RIOX2: variants seen among roughly 807,000 people sequenced by gnomAD.
The protein encoded by RIOX2 is 60S ribosomal protein L27a histidine hydroxylase.
Under a neutral mutation model 51.2 loss-of-function variants are expected in RIOX2, and 43 were observed. The ratio of observed to expected loss-of-function variants is 0.84; its 90% CI spans 0.66 to 1.08. The LOEUF is 1.08. Among genes scored for constraint, RIOX2 ranks in the 50% least tolerant of loss-of-function variants. The pLI is 0.00. For missense variants in RIOX2, 566 were observed against 561.7 expected (o/e 1.01, Z -0.08); for synonymous variants, 226 against 218.5 (o/e 1.03, Z -0.30).
At chr3:97,956,437 TG>T (rs1169485119) in intron 4 of RIOX2, among the ~76,000 whole-genome samples, 1 of 152,152 alleles carries the variant, frequency 6.6e-6, no homozygotes, top group Non-Finnish European at 1.5e-5. Flanking sequence ...ATTGAGTTTG[TG>T]GTAATTTGAC....
At chr3:97,971,574 A>G (rs1050262498) in intron 1 of RIOX2, 2 of 152,192 alleles carry the variant, frequency 1.3e-5, no homozygotes, top group African/African-American at 4.8e-5. Context: ...GATTTTAGAG[A>G]GGAAACGGAC....
At chr3:97,957,408 A>T (rs531387665) in intron 4 of RIOX2, among the ~76,000 whole-genome samples, 9 of 150,996 alleles carry the variant, frequency 6.0e-5, no homozygotes, top group Admixed American at 4.0e-4. Flanking sequence ...AGGCAGGAGA[A>T]TTGCTTGAAC....
Position 97,942,210 on chromosome 3 carries a change from A to T in RIOX2, c.*2974T>A. The T allele has an allele frequency of 7.4e-7, 1 of 1,354,568 alleles. No homozygotes were observed. The highest frequency in any genetic ancestry group is 1.0e-6 in the Non-Finnish European group (1 of 985,624). The allele number at this position is 1,354,568 out of a possible 1,614,324, so 83.9% of individuals were successfully genotyped here. A position where few individuals can be genotyped will look rare whatever the true frequency, so the allele number is the denominator to read the frequency against. On this transcript the variant is annotated 3_prime_UTR_variant, in exon 10 of 10. Transcript: ENST00000394198. ...TTCATGTCTATGACTTGTTTACCTA[A>T]GATAAAAGGGACCTAATTCAACTTA...
Position 97,961,631 on chromosome 3 carries a change from G to GCT in RIOX2, c.509_510insAG (p.Gly172GlnfsTer56). 1 of 1,611,888 alleles carries GCT rather than the reference G, an allele frequency of 6.2e-7. No individual in the cohort carries two copies. Among genetic ancestry groups the GCT allele is most frequent in the Non-Finnish European group, 8.5e-7 (1 of 1,179,410 alleles). On this transcript the variant is annotated frameshift_variant, in exon 3 of 10. Transcript: ENST00000394198. LOFTEE classifies it high-confidence loss of function. ...GGGGCGGCAGGCCCTGAGATCCTGCGGGAGTTATGTACACATTCGAGCCAA... is the reference window on the plus strand; with the variant it reads ...GGGGCGGCAGGCCCTGAGATCCTGCGCTGGAGTTATGTACACATTCGAGCCAA...
intron 5 of RIOX2, 168 bp downstream of exon 5, chr3:97,954,224 A>G: frequency 1.7e-6 from 1 of 583,412 alleles, no homozygotes; most frequent in East Asian, 2.9e-5. Flanking sequence ...CAGAGGGACC[A>G]GTCACATACA....
intron 1 of RIOX2, chr3:97,971,614 G>A (rs1008626532): frequency 1.4e-4 from 22 of 152,294 alleles, no homozygotes; most frequent in African/African-American, 5.1e-4. Context: ...GTGACCATGA[G>A]GTTACAAAGC....
chr3:97,945,467 C>T, intron 9 of RIOX2, 125 bp from the exon 10 acceptor site: 2 of 819,540 alleles, frequency 2.4e-6, no homozygotes, highest in Non-Finnish European at 3.7e-6. Context: ...ATTTTAGACA[C>T]ACTACAATTA....
Position 97,967,622 on chromosome 3 carries a change from G to T in RIOX2, c.-29C>A, listed in dbSNP as rs770044210. 6.5e-7 allele frequency: 1 copy of T among 1,528,432 alleles called. No homozygotes were observed. The highest frequency in any genetic ancestry group is 1.4e-5 in the African/African-American group (1 of 72,094). 94.7% of individuals were successfully genotyped at this position (1,528,432 alleles called of 1,614,324 possible). A position where few individuals can be genotyped will look rare whatever the true frequency, so the allele number is the denominator to read the frequency against. Reference sequence around the variant, plus strand: ...TCTGTCTTCAAGACAAAGCAGTAAGGAAATGCAAACCTACCAAAAGAACAA... The same window carrying T: ...TCTGTCTTCAAGACAAAGCAGTAAGTAAATGCAAACCTACCAAAAGAACAA... On this transcript the variant is annotated 5_prime_UTR_variant, in exon 2 of 10. Transcript: ENST00000394198.
intron 4 of RIOX2, among the ~76,000 whole-genome samples, chr3:97,957,768 T>A (rs1281156776): frequency 6.6e-6 from 1 of 152,178 alleles, no homozygotes; most frequent in East Asian, 1.9e-4. Context: ...GATGGCTTAG[T>A]CTTTAAAGAT....
At chr3:97,954,925 T>G (rs150402110) in intron 4 of RIOX2, among the ~76,000 whole-genome samples, 1 of 152,334 alleles carries the variant, frequency 6.6e-6, no homozygotes, top group Non-Finnish European at 1.5e-5. Flanking sequence ...TCTGGCAATT[T>G]ACCTGCCCAA....
At chr3:97,961,183 T>C (rs527272681) in intron 3 of RIOX2, among the ~76,000 whole-genome samples, 2 of 152,154 alleles carry the variant, frequency 1.3e-5, no homozygotes, top group Admixed American at 1.3e-4. Flanking sequence ...GGAAAATATA[T>C]ACATATTTTT....
intron 3 of RIOX2, among the ~76,000 whole-genome samples, chr3:97,960,081 C>T (rs1705618735): frequency 6.6e-6 from 1 of 152,186 alleles, no homozygotes; most frequent in Non-Finnish European, 1.5e-5. Context: ...GATCTCTCAA[C>T]AGTTCTTGTG....
At chr3:97,951,878 C>T (rs1318135071) in intron 5 of RIOX2, among the ~76,000 whole-genome samples, 1 of 152,200 alleles carries the variant, frequency 6.6e-6, no homozygotes, top group Non-Finnish European at 1.5e-5. Context: ...ACCCGGAGGG[C>T]ACATGCAGAT....
At chr3:97,956,657 A>G (rs192205465) in intron 4 of RIOX2, among the ~76,000 whole-genome samples, 1 of 151,958 alleles carries the variant, frequency 6.6e-6, no homozygotes. Flanking sequence ...CACCACGCCC[A>G]GCTAATTTTG....
chr3:97,945,357 T>G lies in RIOX2; in HGVS notation c.1240-15A>C. On this transcript the variant is annotated splice_polypyrimidine_tract_variant and intron_variant, in intron 9 of 9. Transcript: ENST00000394198. ...AGTCCATGAAACTGAAAGGATAAATTTATTTGTCAAAATATATGTATACTA... is the reference window on the plus strand; with the variant it reads ...AGTCCATGAAACTGAAAGGATAAATGTATTTGTCAAAATATATGTATACTA... 6.9e-6 allele frequency: 11 copies of G among 1,605,258 alleles called. No homozygotes were observed. Among genetic ancestry groups the G allele is most frequent in the Non-Finnish European group, 9.4e-6 (11 of 1,175,884 alleles).
intron 7 of RIOX2, among the ~76,000 whole-genome samples, chr3:97,948,055 G>A (rs1375196098): frequency 6.6e-6 from 1 of 152,158 alleles, no homozygotes; most frequent in African/African-American, 2.4e-5. Context: ...AGTCGTGAGG[G>A]ATCATCACTT....
chr3:97,963,170 T>G (rs1383324759), intron 2 of RIOX2, among the ~76,000 whole-genome samples: 2 of 152,218 alleles, frequency 1.3e-5, no homozygotes, highest in African/African-American at 4.8e-5. Flanking sequence ...CAGGCTGAAG[T>G]GCAGTGGTGT....
At chr3:97,970,365 C>T (rs767868717) in intron 1 of RIOX2, among the ~76,000 whole-genome samples, 25 of 152,196 alleles carry the variant, frequency 1.6e-4, no homozygotes, top group Non-Finnish European at 3.2e-4. Flanking sequence ...GGAGCCTAAG[C>T]TTAGAGGTTT....
rs1490721780 is a variant in RIOX2 at position 97,949,907 on chromosome 3, CCTT to C, written c.994_996del (p.Lys332del). On this transcript the variant is annotated inframe_deletion, in exon 7 of 10. Coordinates refer to ENST00000394198, the MANE Select transcript of RIOX2 (RefSeq NM_153182.4). ...GGGGGGAGTCTGTGCATAATAAAAT[CCTT>C]CTTCATGTCTGAGGAAAGCAGTTCT... 22 of 1,613,948 alleles carry C rather than the reference CCTT, an allele frequency of 1.4e-5. No homozygotes were observed. The highest frequency in any genetic ancestry group is 1.9e-5 in the Non-Finnish European group (22 of 1,179,956).
Sources: allele counts gnomAD v4.1 joint callset (sites outside exome capture counted in the v4.1 genomes callset), GRCh38; gene constraint gnomAD v4.1.1; transcripts MANE v1.5; gene names NCBI Gene and HGNC (gene_info 2026-07-23, HGNC 2026-07-21).